Variants in APP observed in about 807,000 individuals in gnomAD.
APP encodes amyloid-beta precursor protein.
In APP, 31 loss-of-function variants were observed where a neutral mutation model predicts 101.4. That is an observed-to-expected ratio of 0.31 (90% CI 0.23 to 0.41). The LOEUF (loss-of-function observed/expected upper bound fraction) is 0.41, where lower values mean the gene tolerates loss of function less well. Among genes scored for constraint, APP ranks in the 10% least tolerant of loss-of-function variants. The probability of loss-of-function intolerance (pLI) is 1.00; values close to 1 mark genes in which losing one functional copy is unlikely to be tolerated. For synonymous variants in APP, 366 were observed against 364.4 expected (o/e 1.00, Z -0.05); for missense variants, 839 against 1,003.7 (o/e 0.84, Z 2.22).
intron 17 of APP, 109 bp from the exon 18 acceptor site, chr21:25,881,880 T>C (rs900491786): frequency 1.0e-5 from 12 of 1,148,534 alleles, no homozygotes; most frequent in East Asian, 5.0e-5. Flanking sequence ...TTTGCCAAGA[T>C]TGCAGAACAC....
rs767505235 is a variant in APP at position 25,982,515 on chromosome 21, G to C, written c.1091-38C>G. The C allele has an allele frequency of 5.6e-6, 9 of 1,602,844 alleles. 1 individual carries two copies. The Admixed American group carries it at 1.5e-4, about 27-fold the overall frequency. ...AGAGAAGGAGGTTTGAGAAAAAAAA[G>C]CCAACAACAACAGAATAATCCACTC... On this transcript the variant is annotated intron_variant, in intron 8 of 17. Transcript: ENST00000346798.
intron 1 of APP, among the ~76,000 whole-genome samples, chr21:26,132,564 T>C (rs1431586753): frequency 1.3e-5 from 2 of 152,236 alleles, no homozygotes; most frequent in Non-Finnish European, 2.9e-5. Flanking sequence ...AATTCAGAAC[T>C]TTACATTTCT....
chr21:26,124,575 A>T (rs1353473093), intron 1 of APP, among the ~76,000 whole-genome samples: 2 of 152,002 alleles, frequency 1.3e-5, no homozygotes, highest in African/African-American at 4.9e-5. Flanking sequence ...CTATTTTTTT[A>T]ATCCTGCTGC....
chr21:26,143,658 AATCTCATAAC>A (rs773186420), intron 1 of APP, among the ~76,000 whole-genome samples: 4 of 152,184 alleles, frequency 2.6e-5, no homozygotes, highest in Non-Finnish European at 4.4e-5. Context: ...ATTAGGTATT[AATCTCATAAC>A]TGCAAGTTTG....
intron 2 of APP, among the ~76,000 whole-genome samples, chr21:26,102,894 A>C (rs2062095192): frequency 6.7e-6 from 1 of 149,352 alleles, no homozygotes; most frequent in Admixed American, 6.6e-5. Flanking sequence ...TGTCTCAAAA[A>C]AAAAAAAAAA....
chr21:26,118,880 A>C (rs1293334731), intron 1 of APP, among the ~76,000 whole-genome samples: 1 of 122,188 alleles, frequency 8.2e-6, no homozygotes, highest in Non-Finnish European at 2.1e-5. Context: ...ACAGTCACCA[A>C]AGGGAAAAAA....
chr21:26,127,521 G>A (rs879318448), intron 1 of APP, among the ~76,000 whole-genome samples: 4 of 152,154 alleles, frequency 2.6e-5, no homozygotes, highest in African/African-American at 4.8e-5. Context: ...TCTTGTATCT[G>A]CAACTATGAA....
chr21:25,908,521 C>T (rs2038904318), intron 14 of APP, among the ~76,000 whole-genome samples: 1 of 151,502 alleles, frequency 6.6e-6, no homozygotes, highest in African/African-American at 2.4e-5. Context: ...GAAAGACTAA[C>T]AAGTTTCTGG....
Position 26,072,788 on chromosome 21 carries a change from T to C in APP, c.355+17155A>G, listed in dbSNP as rs950959044. Among the ~76,000 whole-genome samples the C allele has an allele frequency of 3.3e-5, 5 of 152,242 alleles. No homozygotes were observed. In the East Asian group the frequency reaches 9.6e-4, roughly 29 times the overall value. ...TTAGTTCTCTGCATAAAATCAAGGG[T>C]CTAGGAGAATTTAATAAAAGCTGAA... On this transcript the variant is annotated intron_variant, in intron 3 of 17. Coordinates refer to ENST00000346798, the MANE Select transcript of APP (RefSeq NM_000484.4).
At chr21:25,952,743 A>AAAACAAAC (rs35999452) in intron 13 of APP, among the ~76,000 whole-genome samples, 4,920 of 151,664 alleles carry the variant, frequency 0.032, 249 homozygotes, top group African/African-American at 0.11. Context: ...ATAGCTGTAA[A>AAAACAAAC]AAACAAACAA....
At chr21:26,161,300 CA>C (rs1280643840) in intron 1 of APP, among the ~76,000 whole-genome samples, 2 of 152,338 alleles carry the variant, frequency 1.3e-5, no homozygotes, top group East Asian at 3.9e-4. Context: ...TTCCTTCCCC[CA>C]GTTATCTAAG....
rs961342012 is a variant in APP, at chr21:25,968,285, C to T, written c.1458+6785G>A. Among the ~76,000 whole-genome samples the T allele has an allele frequency of 8.6e-5, 13 of 151,470 alleles. No homozygotes were observed. In the East Asian group the frequency reaches 2.1e-3, roughly 25 times the overall value. ...TCAGCCTCCAGAGTAGCTGCGACTACAGGCGCGCACCATCATGCCTGGCTA... is the reference window on the plus strand; with the variant it reads ...TCAGCCTCCAGAGTAGCTGCGACTATAGGCGCGCACCATCATGCCTGGCTA... On this transcript the variant is annotated intron_variant, in intron 11 of 17. Coordinates refer to ENST00000346798, the MANE Select transcript of APP (RefSeq NM_000484.4).
At chr21:25,955,828 G>C in intron 11 of APP, 73 bp from the exon 12 acceptor site, 1 of 1,607,070 alleles carries the variant, frequency 6.2e-7, no homozygotes, top group African/African-American at 1.3e-5. Context: ...CGATGGGTTA[G>C]AGGTTCCACT....
At chr21:25,973,557 T>C (rs191147653) in intron 11 of APP, among the ~76,000 whole-genome samples, 4 of 152,114 alleles carry the variant, frequency 2.6e-5, no homozygotes, top group African/African-American at 7.2e-5. Context: ...CCTCAAACTA[T>C]ACAAAATAAA....
intron 12 of APP, 38 bp from the exon 13 acceptor site, chr21:25,954,727 T>G: frequency 2.0e-6 from 3 of 1,526,626 alleles, no homozygotes; most frequent in Non-Finnish European, 2.7e-6. Context: ...CAACAATGTC[T>G]GGGGGTAGGA....
At chr21:26,149,090 C>T (rs912777873) in intron 1 of APP, among the ~76,000 whole-genome samples, 1 of 152,164 alleles carries the variant, frequency 6.6e-6, no homozygotes, top group South Asian at 2.1e-4. Flanking sequence ...GTGAAAGAAG[C>T]TGGCAGCCAG....
At chr21:26,114,085 G>A (rs758849634) in intron 1 of APP, among the ~76,000 whole-genome samples, 9 of 152,114 alleles carry the variant, frequency 5.9e-5, no homozygotes, top group Non-Finnish European at 7.3e-5. Flanking sequence ...TTAACTGTAC[G>A]GAGACACTAA....
chr21:25,914,703 G>A (rs113661148), intron 13 of APP, among the ~76,000 whole-genome samples: 306 of 152,084 alleles, frequency 2.0e-3, no homozygotes, highest in Non-Finnish European at 3.3e-3. Context: ...ACAGGCGCCC[G>A]CCACCACGCC....
intron 11 of APP, among the ~76,000 whole-genome samples, chr21:25,960,697 T>C (rs2041542976): frequency 6.6e-6 from 1 of 152,160 alleles, no homozygotes; most frequent in South Asian, 2.1e-4. Context: ...CTTCACTGTT[T>C]ATGTAAGCTG....
Sources: gnomAD v4.1 joint callset for allele counts (sites outside exome capture counted in the v4.1 genomes callset) on GRCh38, gnomAD v4.1.1 for gene constraint, MANE v1.5 for transcripts, NCBI Gene and HGNC (gene_info 2026-07-23, HGNC 2026-07-21) for gene names.